The following LITAF variants were observed in gnomAD, a reference collection of about 807,000 sequenced individuals.
LITAF encodes the protein lipopolysaccharide induced TNF factor.
In LITAF, 9 loss-of-function variants were observed where a neutral mutation model predicts 14.5. The observed-to-expected ratio is 0.62, with a 90% CI of 0.37 to 1.08. The LOEUF (loss-of-function observed/expected upper bound fraction) is 1.08. Among genes scored for constraint, LITAF ranks in the 50% least tolerant of loss-of-function variants. The pLI, the probability that LITAF is intolerant of heterozygous loss-of-function variation, is 0.01. For synonymous variants in LITAF, 98 were observed against 88.2 expected (o/e 1.11, Z -0.62); for missense variants, 206 against 213.4 (o/e 0.97, Z 0.22).
At position 11,553,428 on chromosome 16, in the gene LITAF, A is replaced by G. The variant is rs2064212964; in HGVS notation, c.377+105T>C. 3 of 1,260,370 alleles carry G rather than the reference A, an allele frequency of 2.4e-6. No homozygotes were observed. The South Asian group carries it at 3.8e-5, about 16-fold the overall frequency. The allele number at this position is 1,260,370 out of a possible 1,614,324, so 78.1% of individuals were successfully genotyped here. A position where few individuals can be genotyped will look rare whatever the true frequency, so the allele number is the denominator to read the frequency against. On this transcript the variant is annotated intron_variant, in intron 3 of 3. Transcript: ENST00000622633. The surrounding 1 kb of genome is among the most constrained non-coding windows in gnomAD (Gnocchi z 7.7). ...TCCATCTCAAAAAAAAACAACACAA[A>G]TGTCTGGCCCTGAATGTCAAGCATG...
At chr16:11,603,920 G>T (rs1470354840) in intron 3 of LITAF, among the ~76,000 whole-genome samples, 1 of 152,120 alleles carries the variant, frequency 6.6e-6, no homozygotes, top group African/African-American at 2.4e-5. Flanking sequence ...GGTGGCGGGC[G>T]CCTGTAGTCC....
At position 11,586,833 on chromosome 16, in the gene LITAF, C is replaced by A; in HGVS notation, c.-6+53G>T. 6.6e-6 allele frequency: 1 copy of A among 152,168 alleles called. No homozygotes were observed. Among genetic ancestry groups the A allele is most frequent in the South Asian group, 1.8e-4 (1 of 5,474 alleles). The allele number at this position is 152,168 out of a possible 1,614,324, so 9.4% of individuals were successfully genotyped here. ...CCAGCAGGTGCTGGCGCCACCGGCC[C>A]CCCGCTGTCTCCCGCTGGTCCCCGC... On this transcript the variant is annotated intron_variant, in intron 1 of 3. Transcript: ENST00000622633. This position sits in a 1 kb window ranked among gnomAD's most constrained non-coding sequence, Gnocchi z 6.5.
intron 1 of LITAF, among the ~76,000 whole-genome samples, chr16:11,578,991 C>A (rs2064688077): frequency 6.6e-6 from 1 of 152,092 alleles, no homozygotes; most frequent in Admixed American, 6.5e-5. Flanking sequence ...GAGTTCGAGA[C>A]CAGCCTGGCC....
upstream of LITAF, among the ~76,000 whole-genome samples, chr16:11,599,041 A>G (rs538274851): frequency 2.0e-5 from 3 of 151,774 alleles, no homozygotes; most frequent in Admixed American, 6.6e-5. Context: ...GCTGGTTTCA[A>G]ACTCCTGACC....
At chr16:11,623,423 A>G (rs1021875051) in intron 3 of LITAF, among the ~76,000 whole-genome samples, 3 of 151,658 alleles carry the variant, frequency 2.0e-5, no homozygotes, top group Middle Eastern at 3.2e-3. Context: ...GCACTTTGGG[A>G]GGCCGAGGCG....
rs1177908143 is a variant in LITAF, at chr16:11,549,069, G to C, written c.*568C>G. On this transcript the variant is annotated 3_prime_UTR_variant, in exon 4 of 4. Coordinates refer to ENST00000622633, the MANE Select transcript of LITAF (RefSeq NM_001136472.2). This position sits in a 1 kb window ranked among gnomAD's most constrained non-coding sequence, Gnocchi z 4.6. ...TCCTTGTATTTAAAAAAAAAATTAA[G>C]AAATTAAAGTGAATCTGTGTGCTAA... 2.2e-6 allele frequency: 1 copy of C among 453,336 alleles called. No individual in the cohort carries two copies. Among genetic ancestry groups the C allele is most frequent in the African/African-American group, 2.0e-5 (1 of 49,812 alleles). 28.1% of individuals were successfully genotyped at this position (453,336 alleles called of 1,614,324 possible).
At chr16:11,598,654 G>A (rs1336441838), upstream of LITAF, among the ~76,000 whole-genome samples, 2 of 151,950 alleles carry the variant, frequency 1.3e-5, no homozygotes, top group South Asian at 4.1e-4. Flanking sequence ...CAATGATGAC[G>A]TGGCTTTGAA....
At chr16:11,567,462 A>C (rs1431215152) in intron 1 of LITAF, among the ~76,000 whole-genome samples, 4 of 151,906 alleles carry the variant, frequency 2.6e-5, no homozygotes, top group Non-Finnish European at 5.9e-5. Context: ...AACAACAAAA[A>C]CATGGGTGGA....
chr16:11,569,481 A>G (rs945303383), intron 1 of LITAF, among the ~76,000 whole-genome samples: 4 of 152,066 alleles, frequency 2.6e-5, no homozygotes, highest in Non-Finnish European at 5.9e-5. Context: ...GCCTCAAGTG[A>G]TCCTCTTGCC....
intron 3 of LITAF, among the ~76,000 whole-genome samples, chr16:11,607,419 C>T (rs1370799670): frequency 6.6e-6 from 1 of 152,140 alleles, no homozygotes; most frequent in East Asian, 1.9e-4. Context: ...AATTTATTTT[C>T]AATTTTGGGT....
At chr16:11,603,723 G>C (rs1177943578) in intron 3 of LITAF, among the ~76,000 whole-genome samples, 2 of 152,162 alleles carry the variant, frequency 1.3e-5, no homozygotes. Flanking sequence ...AGAGCTCTCA[G>C]AACTCCTTCT....
intron 3 of LITAF, among the ~76,000 whole-genome samples, chr16:11,610,152 G>A (rs2064974814): frequency 6.6e-6 from 1 of 152,192 alleles, no homozygotes; most frequent in Non-Finnish European, 1.5e-5. Context: ...CTGGGTGGTG[G>A]GGGGACCCCA....
rs1407519598 is a variant in LITAF, at chr16:11,558,100, C to A, written c.-5-1365G>T. On this transcript the variant is annotated intron_variant, in intron 1 of 3. Transcript: ENST00000622633. The surrounding 1 kb of genome is among the most constrained non-coding windows in gnomAD (Gnocchi z 4.1). ...AGGCTCCGGGGCAGCGAGCCACAACCACCACTCCCCTCTCCCGACACTGTC... is the reference window on the plus strand; with the variant it reads ...AGGCTCCGGGGCAGCGAGCCACAACAACCACTCCCCTCTCCCGACACTGTC... Among the ~76,000 whole-genome samples, 1 of 152,152 alleles carries A rather than the reference C, an allele frequency of 6.6e-6. No homozygotes were observed. The highest frequency in any genetic ancestry group is 1.5e-5 in the Non-Finnish European group (1 of 68,026).
intron 3 of LITAF, among the ~76,000 whole-genome samples, chr16:11,616,911 C>CA (rs766801773): frequency 0.098 from 8,111 of 82,926 alleles, 632 homozygotes; most frequent in African/African-American, 0.2. Context: ...GACTCTATCT[C>CA]AAAAAAAAAA....
Position 11,556,639 on chromosome 16 carries a change from C to G in LITAF, c.92G>C (p.Ser31Thr), listed in dbSNP as rs2064274512. ...GGGAGCTGGAGGTGTGGGGTAATAA[C>G]TGTTAACAGCCACTGTCTCTTCATA... ...PSYEETVAVN[S>T]YYPTPPAPMP... The change falls in exon 2 of 4, where the codon AGT becomes ACT. Residue 31 changes from serine (S) to threonine (T), a missense_variant. By Grantham distance (58) the Ser-to-Thr change is moderately conservative. Transcript: ENST00000622633. 6.2e-7 allele frequency: 1 copy of G among 1,614,194 alleles called. No homozygotes were observed. The highest frequency in any genetic ancestry group is 8.5e-7 in the Non-Finnish European group (1 of 1,180,038).
intron 3 of LITAF, among the ~76,000 whole-genome samples, chr16:11,618,230 C>A (rs1310209014): frequency 1.3e-5 from 2 of 152,168 alleles, no homozygotes; most frequent in East Asian, 3.8e-4. Context: ...TCCATTTATG[C>A]CCAAACTTTT....
At chr16:11,626,630 G>A (rs765388946) in intron 3 of LITAF, among the ~76,000 whole-genome samples, 26 of 151,946 alleles carry the variant, frequency 1.7e-4, no homozygotes, top group African/African-American at 5.3e-4. Flanking sequence ...GAGCCACCGC[G>A]CCCAGCCTGT....
chr16:11,607,837 T>A (rs917772756), intron 3 of LITAF, among the ~76,000 whole-genome samples: 1 of 152,112 alleles, frequency 6.6e-6, no homozygotes. Context: ...TTTGGCAACA[T>A]CCCTGACCTC....
chr16:11,588,812 T>A (rs1344894035), upstream of LITAF, among the ~76,000 whole-genome samples: 3 of 152,012 alleles, frequency 2.0e-5, no homozygotes, highest in Non-Finnish European at 4.4e-5. Context: ...ATGCTTTTCT[T>A]CCTTCCTTCC....
Sources: allele counts gnomAD v4.1 joint callset (sites outside exome capture counted in the v4.1 genomes callset), GRCh38; gene constraint gnomAD v4.1.1; non-coding constraint Gnocchi (gnomAD v3.1); transcripts MANE v1.5; gene names NCBI Gene and HGNC (gene_info 2026-07-23, HGNC 2026-07-21).